MCTP1: variants seen among roughly 807,000 people sequenced by gnomAD.
MCTP1 encodes the protein multiple C2 and transmembrane domain containing 1.
A neutral mutation model predicts 120.6 loss-of-function variants in MCTP1; 69 were observed. That is an observed-to-expected ratio of 0.57 (90% CI 0.47 to 0.70). MCTP1 has a LOEUF of 0.70. MCTP1 is among the 30% of genes least tolerant of loss of function. The probability of loss-of-function intolerance (pLI) is 0.00; values close to 1 mark genes in which losing one functional copy is unlikely to be tolerated. For synonymous variants in MCTP1, 529 were observed against 493.1 expected (o/e 1.07, Z -0.96); for missense variants, 1,203 against 1,248.8 (o/e 0.96, Z 0.55).
intron 1 of MCTP1, among the ~76,000 whole-genome samples, chr5:95,104,111 T>C (rs1380780563): frequency 2.0e-5 from 3 of 152,146 alleles, no homozygotes; most frequent in Non-Finnish European, 4.4e-5. Context: ...ATAATACAAT[T>C]ACTTATTCTA....
At chr5:95,177,861 G>A (rs769931764) in intron 1 of MCTP1, among the ~76,000 whole-genome samples, 14 of 152,306 alleles carry the variant, frequency 9.2e-5, no homozygotes, top group Non-Finnish European at 2.1e-4. Context: ...ACTATACCAG[G>A]TGGGATCCCA....
chr5:95,049,130 G>C (rs1307607286), intron 1 of MCTP1, among the ~76,000 whole-genome samples: 2 of 152,054 alleles, frequency 1.3e-5, no homozygotes, highest in Admixed American at 1.3e-4. Flanking sequence ...ATTCCCCAGA[G>C]TCTTACTTTC....
chr5:94,756,001 T>C (rs566692496), intron 19 of MCTP1, among the ~76,000 whole-genome samples: 1 of 152,316 alleles, frequency 6.6e-6, no homozygotes, highest in East Asian at 1.9e-4. Flanking sequence ...CTGTTCCATT[T>C]AACAACTTGA....
At chr5:94,832,095 T>A (rs1437766171) in intron 17 of MCTP1, among the ~76,000 whole-genome samples, 1 of 152,192 alleles carries the variant, frequency 6.6e-6, no homozygotes, top group East Asian at 1.9e-4. Context: ...AATGGGGCAA[T>A]CCCAAGGGCC....
intron 19 of MCTP1, among the ~76,000 whole-genome samples, chr5:94,717,031 T>G (rs552969142): frequency 6.6e-6 from 1 of 152,268 alleles, no homozygotes; most frequent in African/African-American, 2.4e-5. Context: ...GTAGTTGCGT[T>G]AACTATTTGG....
intron 13 of MCTP1, 73 bp from the exon 14 acceptor site, chr5:94,871,490 T>G: frequency 1.0e-6 from 1 of 1,004,500 alleles, no homozygotes. Flanking sequence ...TTTTGAAAAT[T>G]TAGATAGCTC....
chr5:95,050,070 C>T (rs1745503135), intron 1 of MCTP1, among the ~76,000 whole-genome samples: 1 of 151,816 alleles, frequency 6.6e-6, no homozygotes, highest in South Asian at 2.1e-4. Context: ...TGTGGCAGTC[C>T]TCACACCACC....
chr5:94,965,105 ACT>A (rs1280881691), intron 2 of MCTP1, among the ~76,000 whole-genome samples: 5 of 151,890 alleles, frequency 3.3e-5, no homozygotes, highest in African/African-American at 1.2e-4. Context: ...TGCTTGAATA[ACT>A]CTCTGAATCA....
chr5:94,993,722 C>CTGAACCGTAAA (rs1384715630), intron 2 of MCTP1, among the ~76,000 whole-genome samples: 4 of 152,098 alleles, frequency 2.6e-5, no homozygotes, highest in African/African-American at 9.7e-5. Flanking sequence ...AGATGGGGAA[C>CTGAACCGTAAA]TGAACCGTAA....
intron 19 of MCTP1, among the ~76,000 whole-genome samples, chr5:94,741,757 A>G (rs186032677): frequency 6.6e-6 from 1 of 152,248 alleles, no homozygotes. Flanking sequence ...CAAACAGCCT[A>G]TAAGAGCAGA....
intron 1 of MCTP1, among the ~76,000 whole-genome samples, chr5:95,137,884 T>C (rs1269194210): frequency 6.6e-6 from 1 of 152,168 alleles, no homozygotes; most frequent in African/African-American, 2.4e-5. Flanking sequence ...CTTGATGATT[T>C]GCAAGCAACA....
At position 95,128,588 on chromosome 5, in the gene MCTP1, G is replaced by A. The variant is rs561019762; in HGVS notation, c.721-111104C>T. ...AGTCACAAAGGGCCACGTATTGTAT[G>A]ATTCCATTTGTATGAAATATTCAGA... On this transcript the variant is annotated intron_variant, in intron 1 of 22. Transcript: ENST00000515393. Among the ~76,000 whole-genome samples the A allele has an allele frequency of 1.1e-3, 165 of 152,334 alleles. 3 individuals carry two copies. The highest frequency in any genetic ancestry group is 3.8e-3 in the African/African-American group (156 of 41,564).
At chr5:95,244,849 T>A (rs781540668) in intron 1 of MCTP1, among the ~76,000 whole-genome samples, 1 of 152,192 alleles carries the variant, frequency 6.6e-6, no homozygotes, top group Non-Finnish European at 1.5e-5. Flanking sequence ...TCTCTCAGCA[T>A]GGCGTTTGAG....
chr5:95,250,556 A>G (rs369583017), intron 1 of MCTP1, among the ~76,000 whole-genome samples: 22 of 152,304 alleles, frequency 1.4e-4, no homozygotes, highest in East Asian at 1.3e-3. Flanking sequence ...TCAGGCTGAT[A>G]TAAGTTTGAA....
intron 1 of MCTP1, among the ~76,000 whole-genome samples, chr5:95,264,657 G>T (rs1328560820): frequency 6.6e-6 from 1 of 152,112 alleles, no homozygotes; most frequent in Non-Finnish European, 1.5e-5. Context: ...TCACTTCTGG[G>T]TTCCAAAAGA....
intron 1 of MCTP1, among the ~76,000 whole-genome samples, chr5:95,136,372 G>A (rs568111637): frequency 6.6e-6 from 1 of 152,174 alleles, no homozygotes; most frequent in African/African-American, 2.4e-5. Flanking sequence ...ATTCAGGAAG[G>A]GTTCAGGCTT....
chr5:94,715,891 G>C (rs963968580), intron 19 of MCTP1, among the ~76,000 whole-genome samples: 1 of 152,204 alleles, frequency 6.6e-6, no homozygotes, highest in Non-Finnish European at 1.5e-5. Context: ...CACTATGCCA[G>C]AACACTTGAG....
chr5:94,776,758 C>T (rs1022390251), intron 19 of MCTP1, among the ~76,000 whole-genome samples: 1 of 152,100 alleles, frequency 6.6e-6, no homozygotes, highest in African/African-American at 2.4e-5. Context: ...TGACTGTGTA[C>T]ACAAACTTTA....
At chr5:95,141,318 C>A (rs150502427) in intron 1 of MCTP1, among the ~76,000 whole-genome samples, 4 of 152,318 alleles carry the variant, frequency 2.6e-5, no homozygotes, top group African/African-American at 9.6e-5. Context: ...ATGATTGCCA[C>A]GGGCGTATGC....
Sources: gnomAD v4.1 joint callset for allele counts (sites outside exome capture counted in the v4.1 genomes callset) on GRCh38, gnomAD v4.1.1 for gene constraint, MANE v1.5 for transcripts, NCBI Gene and HGNC (gene_info 2026-07-23, HGNC 2026-07-21) for gene names.